RABEP1: variants seen among roughly 807,000 people sequenced by gnomAD.
RABEP1 encodes the protein rab GTPase-binding effector protein 1.
A neutral mutation model predicts 123.4 loss-of-function variants in RABEP1; 51 were observed. That is an observed-to-expected ratio of 0.41 (90% CI 0.33 to 0.52). The LOEUF (loss-of-function observed/expected upper bound fraction) is 0.52. RABEP1 is among the 20% of genes least tolerant of loss of function. The pLI, the probability that RABEP1 is intolerant of heterozygous loss-of-function variation, is 0.16. For missense variants in RABEP1, 888 were observed against 996.3 expected (o/e 0.89, Z 1.46); for synonymous variants, 347 against 355.2 (o/e 0.98, Z 0.26).
At chr17:5,368,287 C>A in intron 11 of RABEP1, 83 bp from the exon 12 acceptor site, 2 of 947,968 alleles carry the variant, frequency 2.1e-6, no homozygotes, top group Non-Finnish European at 3.3e-6. Context: ...CAATTCCAGA[C>A]ACTAAATAGT....
chr17:5,351,044 T>G (rs1908501240), intron 7 of RABEP1, among the ~76,000 whole-genome samples: 2 of 152,216 alleles, frequency 1.3e-5, no homozygotes, highest in Admixed American at 1.3e-4. Context: ...CTTTTTTGTT[T>G]GTTTTAGCTC....
chr17:5,384,920 C>T lies in RABEP1; in HGVS notation c.*1697C>T, dbSNP rs146046492. 80 of 224,104 alleles carry T rather than the reference C, an allele frequency of 3.6e-4. No individual in the cohort carries two copies. In the East Asian group the frequency reaches 4.5e-3, roughly 13 times the overall value. The allele number at this position is 224,104 out of a possible 1,614,324, so 13.9% of individuals were successfully genotyped here. A position where few individuals can be genotyped will look rare whatever the true frequency, so the allele number is the denominator to read the frequency against. On this transcript the variant is annotated 3_prime_UTR_variant, in exon 18 of 18. Coordinates refer to ENST00000537505, the MANE Select transcript of RABEP1 (RefSeq NM_004703.6). Reference sequence around the variant, plus strand: ...ACTAGTCCCTTGGATAAGCCCCAAGCGAATTTGTCTTCAGATTATTAAAAT... The same window carrying T: ...ACTAGTCCCTTGGATAAGCCCCAAGTGAATTTGTCTTCAGATTATTAAAAT...
chr17:5,338,283 C>A lies in RABEP1; in HGVS notation c.648+145C>A, dbSNP rs528010051. ...CTTTCTTTAAAATGCAAAAAACTGC[C>A]GGGCGAGGTGGCTCACGCCTGTAAT... is the stretch of plus-strand genomic sequence containing the variant. On this transcript the variant is annotated intron_variant, in intron 5 of 17. Coordinates refer to ENST00000537505, the MANE Select transcript of RABEP1 (RefSeq NM_004703.6). 1.7e-5 allele frequency: 18 copies of A among 1,074,644 alleles called. No homozygotes were observed. The Admixed American group carries it at 5.3e-4, about 32-fold the overall frequency. The allele number at this position is 1,074,644 out of a possible 1,614,324, so 66.6% of individuals were successfully genotyped here.
chr17:5,314,064 C>G (rs1349918232), intron 2 of RABEP1, among the ~76,000 whole-genome samples: 1 of 152,164 alleles, frequency 6.6e-6, no homozygotes, highest in African/African-American at 2.4e-5. Context: ...GTCAAGGTAA[C>G]CCTGAAAGTC....
At chr17:5,293,054 C>T (rs1266758232) in intron 1 of RABEP1, among the ~76,000 whole-genome samples, 2 of 152,100 alleles carry the variant, frequency 1.3e-5, no homozygotes, top group African/African-American at 4.8e-5. Context: ...GTTTGGAAGA[C>T]TGAGGCAGGT....
At chr17:5,329,964 G>T (rs1858068895) in intron 2 of RABEP1, among the ~76,000 whole-genome samples, 1 of 151,978 alleles carries the variant, frequency 6.6e-6, no homozygotes, top group African/African-American at 2.4e-5. Flanking sequence ...TGACAACATG[G>T]TAGTGAATAG....
intron 8 of RABEP1, among the ~76,000 whole-genome samples, chr17:5,354,707 A>G (rs559343537): frequency 6.6e-4 from 101 of 152,304 alleles, no homozygotes; most frequent in African/African-American, 2.4e-3. Context: ...TCTGAAATAG[A>G]TGTTCTTTTT....
At chr17:5,379,062 A>T (rs1911231412) in intron 15 of RABEP1, among the ~76,000 whole-genome samples, 1 of 152,120 alleles carries the variant, frequency 6.6e-6, no homozygotes, top group Admixed American at 6.5e-5. Flanking sequence ...ATGGGCCTCC[A>T]GTGTTCCTCA....
intron 7 of RABEP1, 130 bp from the exon 8 acceptor site, chr17:5,354,229 A>C (rs1418758185): frequency 1.3e-6 from 1 of 784,664 alleles, no homozygotes; most frequent in Non-Finnish European, 1.9e-6. Flanking sequence ...TTACAAAACA[A>C]AGAAGCGTAA....
intron 3 of RABEP1, among the ~76,000 whole-genome samples, chr17:5,334,230 C>T (rs1244608651): frequency 6.6e-6 from 1 of 151,432 alleles, no homozygotes; most frequent in African/African-American, 2.4e-5. Context: ...TTTCCCTTCC[C>T]CTTTCCTTCT....
In RABEP1 at chr17:5,299,719, C is replaced by CTTTTTTTTTTTTTTTTTTTTTT. The variant is rs146585957; in HGVS notation, c.35-8970_35-8969insTTTTTTTTTTTTTTTTTTTTTT. Among the ~76,000 whole-genome samples the CTTTTTTTTTTTTTTTTTTTTTT allele has an allele frequency of 6.9e-4, 68 of 98,842 alleles. 9 individuals are homozygous for CTTTTTTTTTTTTTTTTTTTTTT. The highest frequency in any genetic ancestry group is 2.6e-3 in the East Asian group (5 of 1,936). 64.8% of individuals were successfully genotyped at this position (98,842 alleles called of 152,430 possible). A position where few individuals can be genotyped will look rare whatever the true frequency, so the allele number is the denominator to read the frequency against. On this transcript the variant is annotated intron_variant, in intron 1 of 17. Coordinates refer to ENST00000537505, the MANE Select transcript of RABEP1 (RefSeq NM_004703.6). ...TCATTTCTTTTTCTTTTTTTCTTTT[C>CTTTTTTTTTTTTTTTTTTTTTT]TTTTTCTTTTTCTTTTTTTTTTTTT...
chr17:5,386,241 GCTTCACCATTTCCCTTATA>G lies in RABEP1; in HGVS notation c.*3019_*3037del. ...ACATGATTGCGGATATCATTGATTT[GCTTCACCATTTCCCTTATA>G]TGTTCACCCCTGTAAAATTGTAAAG... On this transcript the variant is annotated 3_prime_UTR_variant, in exon 18 of 18. Coordinates refer to ENST00000537505, the MANE Select transcript of RABEP1 (RefSeq NM_004703.6). 6.2e-7 allele frequency: 1 copy of G among 1,613,116 alleles called. No homozygotes were observed. Among genetic ancestry groups the G allele is most frequent in the Non-Finnish European group, 8.5e-7 (1 of 1,179,606 alleles).
chr17:5,373,693 A>AACACACACACACACACACACACAC (rs55736303), intron 13 of RABEP1, among the ~76,000 whole-genome samples: 8 of 135,330 alleles, frequency 5.9e-5, no homozygotes, highest in East Asian at 2.1e-4. Context: ...ACACCAGCTA[A>AACACACACACACACACACACACAC]ACACACACAC....
At chr17:5,331,027 CTTTTTTTTTTTT>C (rs1187502263) in intron 2 of RABEP1, among the ~76,000 whole-genome samples, 27 of 87,062 alleles carry the variant, frequency 3.1e-4, no homozygotes, top group East Asian at 2.0e-3. Context: ...TATCTCTTAA[CTTTTTTTTTTTT>C]TTTTTTTTTT....
intron 5 of RABEP1, among the ~76,000 whole-genome samples, chr17:5,343,373 G>A (rs1907781159): frequency 1.3e-5 from 2 of 152,162 alleles, no homozygotes; most frequent in African/African-American, 4.8e-5. Context: ...GCACAACATA[G>A]TGAAACTCTT....
chr17:5,282,529 C>A lies in RABEP1; in HGVS notation c.34+9C>A. On this transcript the variant is annotated intron_variant, in intron 1 of 17. Coordinates refer to ENST00000537505, the MANE Select transcript of RABEP1 (RefSeq NM_004703.6). ...GGCTTCCCAGCCTGACGGTGAGGCG[C>A]CCACCATGGCAGGCGCGGCGGGCGC... 1 of 1,210,866 alleles carries A rather than the reference C, an allele frequency of 8.3e-7. No individual in the cohort carries two copies. The highest frequency in any genetic ancestry group is 1.0e-6 in the Non-Finnish European group (1 of 971,322). The allele number at this position is 1,210,866 out of a possible 1,614,324, so 75.0% of individuals were successfully genotyped here. A position where few individuals can be genotyped will look rare whatever the true frequency, so the allele number is the denominator to read the frequency against.
intron 1 of RABEP1, among the ~76,000 whole-genome samples, chr17:5,304,045 A>T (rs966061548): frequency 1.4e-5 from 2 of 142,098 alleles, no homozygotes; most frequent in African/African-American, 4.9e-5. Flanking sequence ...AAAAAAAAAA[A>T]ATAAATAAAA....
chr17:5,337,543 A>T (rs1400571927), intron 4 of RABEP1, among the ~76,000 whole-genome samples: 1 of 151,744 alleles, frequency 6.6e-6, no homozygotes, highest in East Asian at 1.9e-4. Context: ...TAAAAAAAAA[A>T]TTAGCTGGGT....
rs568784112 is a variant in RABEP1 at position 5,328,698 on chromosome 17, A to G, written c.164-3251A>G. 8.9e-5 allele frequency among the ~76,000 whole-genome samples: 13 copies of G among 146,440 alleles called. No homozygotes were observed. In the South Asian group the frequency reaches 2.8e-3, roughly 32 times the overall value. On this transcript the variant is annotated intron_variant, in intron 2 of 17. Transcript: ENST00000537505. Reference sequence around the variant, plus strand: ...CCGGGCGCAGTGGCTCACGCCTGTAATCCCAGCACTTTGGGAGGCCGAGGC... The same window carrying G: ...CCGGGCGCAGTGGCTCACGCCTGTAGTCCCAGCACTTTGGGAGGCCGAGGC...
Sources: allele counts gnomAD v4.1 joint callset (sites outside exome capture counted in the v4.1 genomes callset), GRCh38; gene constraint gnomAD v4.1.1; transcripts MANE v1.5; gene names NCBI Gene and HGNC (gene_info 2026-07-23, HGNC 2026-07-21).